Variants in ASCC3 observed in about 807,000 individuals in gnomAD.
ASCC3 encodes the protein ASC-1 complex subunit P200.
Under a neutral mutation model 256.3 loss-of-function variants are expected in ASCC3, and 158 were observed. That is an observed-to-expected ratio of 0.62 (90% CI 0.54 to 0.70). The LOEUF is 0.70. Ranked by LOEUF, ASCC3 falls within the 30% of genes least tolerant of loss-of-function variation. The pLI, the probability that ASCC3 is intolerant of heterozygous loss-of-function variation, is 0.00. For missense variants in ASCC3, 2,259 were observed against 2,626.0 expected (o/e 0.86, Z 3.05); for synonymous variants, 948 against 883.4 (o/e 1.07, Z -1.30).
rs983772868 is a variant in ASCC3 at position 100,864,082 on chromosome 6, G to A, written c.223C>T (p.His75Tyr). The A allele has an allele frequency of 6.3e-6, 10 of 1,581,270 alleles. No homozygotes were observed. In the African/African-American group the frequency reaches 6.8e-5, roughly 11 times the overall value. The change falls in exon 3 of 42, where the codon CAT (histidine) becomes TAT (tyrosine). Residue 75 changes from histidine (H) to tyrosine (Y), a missense_variant. Physicochemically the swap from His to Tyr is moderately conservative, Grantham distance 83. This residue lies in a region of ASCC3 where 420 missense variants were observed against 419.3 expected (regional missense o/e 1.00). Transcript: ENST00000369162. ...ACTATACCTATCTGCTTTGCAGCAT[G>A]TAATATATCTTTTAAGTCTTCATTT... ...SINEDLKDIL[H>Y]AAKQIVGTDN...
chr6:100,615,054 C>T (rs1255915306), intron 30 of ASCC3, among the ~76,000 whole-genome samples: 1 of 151,468 alleles, frequency 6.6e-6, no homozygotes, highest in Non-Finnish European at 1.5e-5. Flanking sequence ...CTCGCTCTGT[C>T]GACCAGGTTG....
chr6:100,551,792 C>T (rs1319836538), intron 36 of ASCC3, among the ~76,000 whole-genome samples: 1 of 152,012 alleles, frequency 6.6e-6, no homozygotes, highest in Non-Finnish European at 1.5e-5. Flanking sequence ...GTCTAATCAA[C>T]AGCTATTACT....
chr6:100,792,981 A>G (rs12209756), intron 8 of ASCC3, among the ~76,000 whole-genome samples: 11,848 of 151,982 alleles, frequency 0.078, 680 homozygotes, highest in Non-Finnish European at 0.12. Context: ...GAAATAAATT[A>G]TTTTTATGTT....
chr6:100,826,322 G>A (rs553519064), intron 4 of ASCC3, among the ~76,000 whole-genome samples: 26 of 152,038 alleles, frequency 1.7e-4, no homozygotes, highest in Non-Finnish European at 3.4e-4. Flanking sequence ...TAGTAGAGAC[G>A]GGGTTTCACC....
chr6:100,648,789 C>T (rs138990822), intron 20 of ASCC3, among the ~76,000 whole-genome samples: 3 of 151,886 alleles, frequency 2.0e-5, no homozygotes, highest in Non-Finnish European at 2.9e-5. Context: ...TCAGGATCTA[C>T]AGTTATCCCC....
chr6:100,741,022 T>A (rs796199768), intron 10 of ASCC3, among the ~76,000 whole-genome samples: 1 of 152,208 alleles, frequency 6.6e-6, no homozygotes, highest in Admixed American at 6.5e-5. Flanking sequence ...CTGGTAATAG[T>A]TTTTCCTTTC....
At chr6:100,527,770 T>C (rs992564706) in intron 37 of ASCC3, among the ~76,000 whole-genome samples, 10 of 152,100 alleles carry the variant, frequency 6.6e-5, no homozygotes, top group African/African-American at 2.2e-4. Context: ...TTTTCTTCCC[T>C]TATTCTTTCC....
chr6:100,767,238 T>C lies in ASCC3; in HGVS notation c.1503A>G (p.Thr501=), dbSNP rs769916244. ...TTGCAATGTTGGTTTTTCCAGCTCCTGTAGGGGCACAAATCAGCATGTTCT... is the reference window on the plus strand; with the variant it reads ...TTGCAATGTTGGTTTTTCCAGCTCCCGTAGGGGCACAAATCAGCATGTTCT... ...TNENMLICAP[T]GAGKTNIAML... The change falls in exon 9 of 42, where the codon ACA becomes ACG. Residue 501 remains threonine, a synonymous_variant. Transcript: ENST00000369162. The C allele has an allele frequency of 6.2e-6, 10 of 1,614,016 alleles. No individual in the cohort carries two copies. Among genetic ancestry groups the C allele is most frequent in the Admixed American group, 1.7e-5 (1 of 60,010 alleles).
chr6:100,599,222 C>G (rs944063795), intron 34 of ASCC3, among the ~76,000 whole-genome samples: 1 of 152,102 alleles, frequency 6.6e-6, no homozygotes, highest in African/African-American at 2.4e-5. Context: ...AGAGAAGAAC[C>G]TTTTAATATT....
intron 6 of ASCC3, 87 bp downstream of exon 6, chr6:100,800,213 A>G: frequency 7.1e-7 from 1 of 1,414,698 alleles, no homozygotes; most frequent in Non-Finnish European, 9.9e-7. Context: ...AATCATCTAT[A>G]CTGCTAAGAC....
At chr6:100,753,652 G>A (rs1336241) in intron 10 of ASCC3, among the ~76,000 whole-genome samples, 148,159 of 152,176 alleles carry the variant, frequency 0.97, 72,256 homozygotes, top group East Asian at 1. Flanking sequence ...AGTTGGTACT[G>A]CAGGCTCTTG....
intron 37 of ASCC3, among the ~76,000 whole-genome samples, chr6:100,525,947 T>A (rs536520720): frequency 6.6e-6 from 1 of 152,244 alleles, no homozygotes; most frequent in South Asian, 2.1e-4. Context: ...TGGGAAAACC[T>A]GAAAAAGCTT....
intron 36 of ASCC3, among the ~76,000 whole-genome samples, chr6:100,546,846 T>G (rs1281734778): frequency 6.6e-6 from 1 of 152,126 alleles, no homozygotes; most frequent in African/African-American, 2.4e-5. Flanking sequence ...GTCCCCTATT[T>G]TTTTCATTCA....
intron 14 of ASCC3, among the ~76,000 whole-genome samples, chr6:100,674,996 T>C (rs1776937347): frequency 6.6e-6 from 1 of 152,122 alleles, no homozygotes. Context: ...CTTGAGGATG[T>C]TAAAAAGGCA....
At chr6:100,766,280 C>CCT (rs570762823) in intron 10 of ASCC3, among the ~76,000 whole-genome samples, 33 of 152,058 alleles carry the variant, frequency 2.2e-4, no homozygotes, top group Non-Finnish European at 4.6e-4. Context: ...TTATTTATAT[C>CCT]CTCATCCCTA....
Position 100,725,554 on chromosome 6 carries a change from G to C in ASCC3, c.1887C>G (p.Ala629=), listed in dbSNP as rs757706291. 6.2e-7 allele frequency: 1 copy of C among 1,612,262 alleles called. No homozygotes were observed. Among genetic ancestry groups the C allele is most frequent in the Admixed American group, 1.7e-5 (1 of 59,868 alleles). ...DRGPVLESIV[A]RTLRQVESTQ... is the part of the protein sequence containing the mutation. ...TTCCTCTTACCTGCCGTAAAGTACG[G>C]GCAACTATGCTTTCTAATACTGGTC... Residue 629 remains alanine, a synonymous_variant, in exon 11 of 42, where the codon GCC becomes GCG. Transcript: ENST00000369162.
intron 4 of ASCC3, among the ~76,000 whole-genome samples, chr6:100,821,563 C>T (rs11968140): frequency 0.015 from 2,336 of 152,120 alleles, 57 homozygotes; most frequent in African/African-American, 0.053. Context: ...TGGTCATTCA[C>T]GCCTATAATC....
chr6:100,740,201 T>C (rs1780363539), intron 10 of ASCC3, among the ~76,000 whole-genome samples: 1 of 152,236 alleles, frequency 6.6e-6, no homozygotes, highest in African/African-American at 2.4e-5. Flanking sequence ...CTAAGTTTCA[T>C]TCAGGATCAA....
chr6:100,513,457 G>A (rs1418284362), intron 39 of ASCC3, among the ~76,000 whole-genome samples: 2 of 152,120 alleles, frequency 1.3e-5, no homozygotes, highest in Non-Finnish European at 2.9e-5. Context: ...ATTACTTGGG[G>A]ATAAAAGGGC....
Sources: gnomAD v4.1 joint callset for allele counts (sites outside exome capture counted in the v4.1 genomes callset) on GRCh38, gnomAD v4.1.1 for gene constraint, gnomAD v4.1.1 regional missense constraint, MANE v1.5 for transcripts, NCBI Gene and HGNC (gene_info 2026-07-23, HGNC 2026-07-21) for gene names.